Variants in DZIP1L observed in about 807,000 individuals in gnomAD.
DZIP1L encodes cilium assembly protein DZIP1L.
In DZIP1L, 90 loss-of-function variants were observed where a neutral mutation model predicts 88.7. The observed-to-expected ratio is 1.02, with a 90% CI of 0.86 to 1.21. The LOEUF (loss-of-function observed/expected upper bound fraction) is 1.21, where lower values mean the gene tolerates loss of function less well. Ranked by LOEUF, DZIP1L falls within the 50% of genes most tolerant of loss-of-function variation. The pLI, the probability that DZIP1L is intolerant of heterozygous loss-of-function variation, is 0.00. For synonymous variants in DZIP1L, 363 were observed against 372.1 expected, an observed-to-expected ratio of 0.98 and a Z score of 0.28; for missense variants, 932 against 955.8, an observed-to-expected ratio of 0.98 and a Z score of 0.33.
chr3:138,102,488 T>C (rs972004960), intron 2 of DZIP1L: 3 of 1,364,538 alleles, frequency 2.2e-6, no homozygotes, highest in African/African-American at 2.8e-5. Context: ...AGGTTGTTGA[T>C]GTAGCTCTGA....
At chr3:138,077,397 T>G in intron 11 of DZIP1L, 102 bp downstream of exon 11, 13 of 1,537,676 alleles carry the variant, frequency 8.5e-6, no homozygotes, top group Non-Finnish European at 9.7e-6. Flanking sequence ...GTGAGATGAA[T>G]GAGCTCACAA....
chr3:138,115,277 C>G (rs2042673804), intron 1 of DZIP1L, 51 bp downstream of exon 1: 1 of 152,284 alleles, frequency 6.6e-6, no homozygotes, highest in Admixed American at 6.5e-5. Flanking sequence ...ACCCACCCGC[C>G]CCGCTCCCGG....
chr3:138,097,941 C>T (rs1390885798), intron 2 of DZIP1L, 94 bp from the exon 3 acceptor site: 28 of 1,014,096 alleles, frequency 2.8e-5, no homozygotes, highest in Non-Finnish European at 4.2e-5. Context: ...CCCTTGGGAC[C>T]CCTGGGCTGC....
At chr3:138,088,709 T>G in intron 5 of DZIP1L, 1 of 1,244,492 alleles carries the variant, frequency 8.0e-7, no homozygotes, top group Non-Finnish European at 1.0e-6. Flanking sequence ...AGCCCTTGCA[T>G]AGAAAAAGCA....
intron 10 of DZIP1L, among the ~76,000 whole-genome samples, chr3:138,079,497 GT>G (rs2107767121): frequency 6.6e-6 from 1 of 152,298 alleles, no homozygotes; most frequent in Non-Finnish European, 1.5e-5. Flanking sequence ...TAAGTAAGTT[GT>G]TAACAATATA....
rs146134856 is a variant in DZIP1L at position 138,072,123 on chromosome 3, G to A, written c.1423-288C>T. On this transcript the variant is annotated intron_variant, in intron 11 of 15. Coordinates refer to ENST00000327532, the MANE Select transcript of DZIP1L (RefSeq NM_173543.3). ...ACCACATCATAGCATAAGGGACTTC[G>A]TTGGAACATGCTTTTCTACCATCTG... Among the ~76,000 whole-genome samples the A allele has an allele frequency of 1.6e-3, 244 of 152,310 alleles. 1 individual carries two copies. Among genetic ancestry groups the A allele is most frequent in the African/African-American group, 5.6e-3 (233 of 41,558 alleles).
chr3:138,084,137 C>A lies in DZIP1L; in HGVS notation c.1179G>T (p.Arg393Ser). The A allele has an allele frequency of 6.2e-7, 1 of 1,614,100 alleles. No homozygotes were observed. The highest frequency in any genetic ancestry group is 1.1e-5 in the South Asian group (1 of 91,078). ...CCATCTCCTCCTGGGAGGCAATGATCCTAGCTTGTTCCTGCAGCTGGGCAC... is the reference window on the plus strand; with the variant it reads ...CCATCTCCTCCTGGGAGGCAATGATACTAGCTTGTTCCTGCAGCTGGGCAC... ...TLRAQLQEQA[R>S]IIASQEEMIQ... Residue 393 changes from arginine (R) to serine (S), a missense_variant, in exon 8 of 16, where the codon AGG becomes AGT. Arg to Ser is a moderately radical substitution (Grantham distance 110). Transcript: ENST00000327532.
chr3:138,081,722 G>A lies in DZIP1L; in HGVS notation c.1234+12C>T. ...TCAAGACTGCTACACACTGCCCTGT[G>A]TAGACACTTACCTTCCACCTTCCTG... is the stretch of plus-strand genomic sequence containing the variant. On this transcript the variant is annotated intron_variant, in intron 9 of 15. Coordinates refer to ENST00000327532, the MANE Select transcript of DZIP1L (RefSeq NM_173543.3). 6.2e-7 allele frequency: 1 copy of A among 1,612,862 alleles called. No homozygotes were observed. The highest frequency in any genetic ancestry group is 8.5e-7 in the Non-Finnish European group (1 of 1,179,310).
intron 1 of DZIP1L, among the ~76,000 whole-genome samples, chr3:138,105,722 CA>C (rs2042464166): frequency 6.6e-6 from 1 of 151,582 alleles, no homozygotes; most frequent in Admixed American, 6.6e-5. Flanking sequence ...TATGGAGAGT[CA>C]ACATATATAT....
intron 14 of DZIP1L, among the ~76,000 whole-genome samples, chr3:138,065,410 A>G (rs1247570897): frequency 6.6e-6 from 1 of 152,254 alleles, no homozygotes; most frequent in African/African-American, 2.4e-5. Context: ...TTAAGGGCCT[A>G]CGATGTAGCA....
intron 1 of DZIP1L, among the ~76,000 whole-genome samples, chr3:138,109,399 CTCTAT>C (rs1013274687): frequency 5.3e-5 from 8 of 152,194 alleles, no homozygotes; most frequent in African/African-American, 1.9e-4. Context: ...CTGGGCTAGC[CTCTAT>C]TCTATGCTGC....
chr3:138,064,296 T>G, intron 15 of DZIP1L: 4 of 1,133,038 alleles, frequency 3.5e-6, no homozygotes, highest in Non-Finnish European at 4.5e-6. Flanking sequence ...CACTGTGGGA[T>G]GAGACCGGGC....
chr3:138,089,485 G>A (rs1025205506), intron 5 of DZIP1L, among the ~76,000 whole-genome samples: 2 of 152,200 alleles, frequency 1.3e-5, no homozygotes, highest in African/African-American at 4.8e-5. Context: ...GTCAGGTAAT[G>A]TAGCCAAAGT....
At chr3:138,110,454 TA>T (rs1331981916) in intron 1 of DZIP1L, among the ~76,000 whole-genome samples, 1 of 151,304 alleles carries the variant, frequency 6.6e-6, no homozygotes, top group Non-Finnish European at 1.5e-5. Context: ...AGTATAATAA[TA>T]AAAAAAAACT....
intron 10 of DZIP1L, among the ~76,000 whole-genome samples, chr3:138,079,118 G>T (rs1943535809): frequency 6.6e-6 from 1 of 152,192 alleles, no homozygotes; most frequent in African/African-American, 2.4e-5. Flanking sequence ...CTTGCCTGCT[G>T]GTCTGGGACA....
rs419075 is a variant in DZIP1L at position 138,068,440 on chromosome 3, T to C, written c.1616-73A>G. On this transcript the variant is annotated intron_variant, in intron 12 of 15. Coordinates refer to ENST00000327532, the MANE Select transcript of DZIP1L (RefSeq NM_173543.3). ...CTCAAGCCTAAGAGGAGGGAGAAAG[T>C]GGCTCCAACACCCTGGAAATGAACA... 1,019,494 of 1,225,386 alleles carry C rather than the reference T, an allele frequency of 0.83. 427,576 individuals carry two copies. Among genetic ancestry groups the C allele is most frequent in the Non-Finnish European group, 0.87 (789,097 of 909,308 alleles). The allele number at this position is 1,225,386 out of a possible 1,614,324, so 75.9% of individuals were successfully genotyped here. A position where few individuals can be genotyped will look rare whatever the true frequency, so the allele number is the denominator to read the frequency against.
At chr3:138,101,544 A>G (rs1203057098) in intron 2 of DZIP1L, 8 of 793,982 alleles carry the variant, frequency 1.0e-5, no homozygotes, top group South Asian at 9.4e-5. Flanking sequence ...TCTTCTTCAC[A>G]ACCACAGTGG....
chr3:138,071,317 C>T (rs1197856541), intron 12 of DZIP1L, among the ~76,000 whole-genome samples: 2 of 152,162 alleles, frequency 1.3e-5, no homozygotes, highest in African/African-American at 2.4e-5. Context: ...CAACTGTGGT[C>T]GCAACAAGCC....
In DZIP1L at chr3:138,067,545, G is replaced by C; in HGVS notation, c.1988C>G (p.Pro663Arg). 6.9e-6 allele frequency: 11 copies of C among 1,605,370 alleles called. No homozygotes were observed. Among genetic ancestry groups the C allele is most frequent in the Non-Finnish European group, 9.4e-6 (11 of 1,176,286 alleles). Residue 663 changes from proline (P) to arginine (R), a missense_variant, in exon 14 of 16, where the codon CCT (proline) becomes CGT (arginine). Pro to Arg is a moderately radical substitution (Grantham distance 103). Coordinates refer to ENST00000327532, the MANE Select transcript of DZIP1L (RefSeq NM_173543.3). ...TGCCAGCTCACCTGAGCCCTGGCCA[G>C]GGGGCTGGGCATTCTCCTCCGAGGT... ...TETSEENAQP[P>R]GQGSGTLVQS... is the part of the protein sequence containing the mutation.
Sources: gnomAD v4.1 joint callset for allele counts (sites outside exome capture counted in the v4.1 genomes callset) on GRCh38, gnomAD v4.1.1 for gene constraint, MANE v1.5 for transcripts, NCBI Gene and HGNC (gene_info 2026-07-23, HGNC 2026-07-21) for gene names.